TMOD1: variants seen among roughly 807,000 people sequenced by gnomAD.
TMOD1 encodes tropomodulin-1.
TMOD1 carries 17 observed loss-of-function variants against 40.6 expected under a neutral mutation model. That is an observed-to-expected ratio of 0.42 (90% CI 0.29 to 0.63). TMOD1 has a LOEUF of 0.63. TMOD1 is among the 20% of genes least tolerant of loss of function. The pLI, the probability that TMOD1 is intolerant of heterozygous loss-of-function variation, is 0.22. For missense variants in TMOD1, 391 were observed against 447.6 expected (o/e 0.87, Z 1.14); for synonymous variants, 181 against 175.0 (o/e 1.03, Z -0.27).
chr9:97,512,389 A>G (rs1463297977), intron 1 of TMOD1, among the ~76,000 whole-genome samples: 1 of 152,234 alleles, frequency 6.6e-6, no homozygotes, highest in Non-Finnish European at 1.5e-5. Context: ...TGCCCACTCT[A>G]TGACCTAGCA....
intron 7 of TMOD1, among the ~76,000 whole-genome samples, chr9:97,568,081 T>G (rs1830759927): frequency 6.6e-6 from 1 of 152,216 alleles, no homozygotes; most frequent in Non-Finnish European, 1.5e-5. Context: ...CAGTTTGCCC[T>G]GGTCACTTGC....
intron 1 of TMOD1, among the ~76,000 whole-genome samples, chr9:97,505,527 C>T (rs572078663): frequency 1.9e-4 from 29 of 152,294 alleles, no homozygotes; most frequent in African/African-American, 6.5e-4. Flanking sequence ...ATCCTTCAGC[C>T]TCCTTCATAG....
chr9:97,537,312 G>A (rs551462991), intron 2 of TMOD1, among the ~76,000 whole-genome samples: 106 of 152,352 alleles, frequency 7.0e-4, no homozygotes, highest in South Asian at 2.9e-3. Context: ...ATGTGTGATC[G>A]TGCGTGCCTG....
intron 8 of TMOD1, among the ~76,000 whole-genome samples, chr9:97,579,979 T>C (rs1293316542): frequency 2.6e-5 from 4 of 151,850 alleles, no homozygotes; most frequent in Admixed American, 2.6e-4. Context: ...GATCTCTGTC[T>C]GCACCAGGTA....
chr9:97,569,372 C>T (rs934566276), intron 8 of TMOD1, among the ~76,000 whole-genome samples: 1 of 152,184 alleles, frequency 6.6e-6, no homozygotes, highest in Non-Finnish European at 1.5e-5. Flanking sequence ...GTTTGTTGGG[C>T]TTAGCTCTGT....
chr9:97,592,093 T>G (rs12353111), intron 9 of TMOD1, among the ~76,000 whole-genome samples: 11,907 of 152,162 alleles, frequency 0.078, 509 homozygotes, highest in Non-Finnish European at 0.09. Context: ...TATACCTATA[T>G]GAACAAATAG....
chr9:97,517,242 C>T (rs893303072), intron 1 of TMOD1, among the ~76,000 whole-genome samples: 3 of 151,406 alleles, frequency 2.0e-5, no homozygotes, highest in Admixed American at 2.0e-4. Flanking sequence ...CCCAGCTACT[C>T]GAGAGGCTGA....
intron 4 of TMOD1, among the ~76,000 whole-genome samples, chr9:97,559,090 C>A (rs1214200765): frequency 6.6e-6 from 1 of 152,168 alleles, no homozygotes; most frequent in Non-Finnish European, 1.5e-5. Context: ...CACCAGTCAG[C>A]CATATGAGGC....
rs761146315 is a variant in TMOD1, at chr9:97,546,208, G to A, written c.144G>A (p.Leu48=). ...AGAATGCACTGCTGCCTGCAGGCCT[G>A]AGGCAGAAGGATCAGACCACCAAGG... ...DPDNALLPAG[L]RQKDQTTKAP... The change falls in exon 3 of 10, where the codon CTG becomes CTA. Residue 48 remains leucine (L), a synonymous_variant. Coordinates refer to ENST00000259365, the MANE Select transcript of TMOD1 (RefSeq NM_003275.4). 3.1e-6 allele frequency: 5 copies of A among 1,613,616 alleles called. No homozygotes were observed. The South Asian group carries it at 5.5e-5, about 18-fold the overall frequency.
At chr9:97,552,943 C>A (rs533266318) in intron 3 of TMOD1, among the ~76,000 whole-genome samples, 3 of 152,298 alleles carry the variant, frequency 2.0e-5, no homozygotes, top group Admixed American at 6.5e-5. Context: ...GTCTCAGAAC[C>A]TTTGGTTAAG....
chr9:97,543,447 C>T (rs1403146245), intron 2 of TMOD1, among the ~76,000 whole-genome samples: 1 of 152,124 alleles, frequency 6.6e-6, no homozygotes, highest in South Asian at 2.1e-4. Flanking sequence ...AATTTTTGAC[C>T]GTTTACTATG....
chr9:97,501,974 T>G (rs972221751), intron 1 of TMOD1, among the ~76,000 whole-genome samples, 171 bp downstream of exon 1: 21 of 151,840 alleles, frequency 1.4e-4, no homozygotes, highest in African/African-American at 4.4e-4. Context: ...CCTCTGGGGC[T>G]AGGGAGCCCG....
At chr9:97,518,415 G>A (rs1037012592) in intron 1 of TMOD1, among the ~76,000 whole-genome samples, 1 of 152,264 alleles carries the variant, frequency 6.6e-6, no homozygotes, top group Non-Finnish European at 1.5e-5. Context: ...CCAGAACTGA[G>A]AGCCAACACA....
At chr9:97,565,806 G>A (rs1302287500) in intron 6 of TMOD1, 42 bp from the exon 7 acceptor site, 2 of 1,520,748 alleles carry the variant, frequency 1.3e-6, no homozygotes, top group Non-Finnish European at 1.8e-6. Context: ...CTGTCCCAGA[G>A]GAGGCTTCTG....
Position 97,599,560 on chromosome 9 carries a change from G to C in TMOD1, c.1016-74G>C, listed in dbSNP as rs565022186. On this transcript the variant is annotated intron_variant, in intron 9 of 9. Coordinates refer to ENST00000259365, the MANE Select transcript of TMOD1 (RefSeq NM_003275.4). ...ACCAATTAGTGCGAGGTTTCACAGT[G>C]CTTTCTCAGCAACAGTGCTGGCCCC... 3.8e-6 allele frequency: 6 copies of C among 1,595,288 alleles called. No homozygotes were observed. In the South Asian group the frequency reaches 6.7e-5, roughly 18 times the overall value.
chr9:97,601,181 C>T lies in TMOD1; in HGVS notation c.*1483C>T. The T allele has an allele frequency of 7.7e-7, 1 of 1,298,046 alleles. No homozygotes were observed. The highest frequency in any genetic ancestry group is 1.0e-6 in the Non-Finnish European group (1 of 986,150). The allele number at this position is 1,298,046 out of a possible 1,614,324, so 80.4% of individuals were successfully genotyped here. ...GACAACCATCCCCATTTGGCTTCTC[C>T]TTAAAACACAATTGCAGCTGCATTC... is the stretch of plus-strand genomic sequence containing the variant. On this transcript the variant is annotated 3_prime_UTR_variant, in exon 10 of 10. Coordinates refer to ENST00000259365, the MANE Select transcript of TMOD1 (RefSeq NM_003275.4).
chr9:97,504,875 G>A (rs1564224978), intron 1 of TMOD1, among the ~76,000 whole-genome samples: 1 of 152,186 alleles, frequency 6.6e-6, no homozygotes, highest in African/African-American at 2.4e-5. Flanking sequence ...AAAGAGGCCA[G>A]TTTACTTTTC....
chr9:97,520,557 T>C (rs1379165623), intron 1 of TMOD1, among the ~76,000 whole-genome samples: 1 of 152,192 alleles, frequency 6.6e-6, no homozygotes, highest in East Asian at 1.9e-4. Flanking sequence ...AACTGACAGC[T>C]TCATAGTTTA....
At chr9:97,544,958 G>A (rs190643655) in intron 2 of TMOD1, among the ~76,000 whole-genome samples, 38 of 149,870 alleles carry the variant, frequency 2.5e-4, no homozygotes, top group Admixed American at 1.9e-3. Context: ...GCAGTGAGCC[G>A]AGATTGCGCC....
Sources: allele counts gnomAD v4.1 joint callset (sites outside exome capture counted in the v4.1 genomes callset), GRCh38; gene constraint gnomAD v4.1.1; transcripts MANE v1.5; gene names NCBI Gene and HGNC (gene_info 2026-07-23, HGNC 2026-07-21).